Variants in FSTL5 observed in about 807,000 individuals in gnomAD.
FSTL5 encodes the protein follistatin like 5.
In FSTL5, 62 loss-of-function variants were observed where a neutral mutation model predicts 89.1. The ratio of observed to expected loss-of-function variants is 0.70; its 90% CI spans 0.57 to 0.86. FSTL5 has a LOEUF of 0.86. Among genes scored for constraint, FSTL5 ranks in the 40% least tolerant of loss-of-function variants. The probability of loss-of-function intolerance (pLI) is 0.00; values close to 1 mark genes in which losing one functional copy is unlikely to be tolerated. For missense variants in FSTL5, 1,057 were observed against 1,001.6 expected (o/e 1.06, Z -0.75); for synonymous variants, 383 against 346.2 (o/e 1.11, Z -1.18).
At chr4:162,006,951 A>G (rs1736633066) in intron 3 of FSTL5, among the ~76,000 whole-genome samples, 1 of 151,920 alleles carries the variant, frequency 6.6e-6, no homozygotes, top group Admixed American at 6.6e-5. Flanking sequence ...TAGATGCACA[A>G]GGCATCTGCT....
chr4:161,711,981 G>A (rs1232107549), intron 6 of FSTL5, among the ~76,000 whole-genome samples: 2 of 152,136 alleles, frequency 1.3e-5, no homozygotes, highest in Non-Finnish European at 2.9e-5. Context: ...TCCTAAACCT[G>A]ACAAAGGTCG....
In FSTL5 at chr4:162,010,763, C is replaced by G. The variant is rs113296515; in HGVS notation, c.160+22862G>C. 3.2e-3 allele frequency among the ~76,000 whole-genome samples: 493 copies of G among 152,320 alleles called. 1 individual carries two copies. Among genetic ancestry groups the G allele is most frequent in the Non-Finnish European group, 5.7e-3 (388 of 68,028 alleles). On this transcript the variant is annotated intron_variant, in intron 3 of 15. Transcript: ENST00000306100. ...TTCAAAGGTTCATCTGTGTTGTAAC[C>G]TGTGTCAGTACCTCATTTTTTATTA...
At chr4:161,474,702 C>T (rs537885366) in intron 13 of FSTL5, among the ~76,000 whole-genome samples, 201 of 152,026 alleles carry the variant, frequency 1.3e-3, no homozygotes, top group Non-Finnish European at 2.2e-3. Flanking sequence ...CCCGCCACCA[C>T]GCCTGGCTAA....
intron 15 of FSTL5, among the ~76,000 whole-genome samples, chr4:161,450,757 T>G (rs2126390833): frequency 6.6e-6 from 1 of 151,286 alleles, no homozygotes; most frequent in East Asian, 1.9e-4. Flanking sequence ...TTTTTTTTTT[T>G]TTTGAGACAG....
chr4:161,412,046 A>T (rs1731611219), intron 15 of FSTL5, among the ~76,000 whole-genome samples: 1 of 152,164 alleles, frequency 6.6e-6, no homozygotes, highest in Admixed American at 6.5e-5. Context: ...ATACACTAAC[A>T]ACATCCAGGC....
chr4:161,539,739 AC>A, intron 9 of FSTL5, among the ~76,000 whole-genome samples: 1 of 152,074 alleles, frequency 6.6e-6, no homozygotes, highest in Non-Finnish European at 1.5e-5. Flanking sequence ...AAAAACAAAA[AC>A]AAAAAAACCC....
chr4:161,976,350 G>A (rs956706490), intron 3 of FSTL5, among the ~76,000 whole-genome samples: 2 of 151,984 alleles, frequency 1.3e-5, no homozygotes, highest in South Asian at 4.1e-4. Flanking sequence ...ATATGCATAC[G>A]GGCTGGTAAA....
chr4:161,723,949 C>A (rs971654405), intron 6 of FSTL5, among the ~76,000 whole-genome samples: 2 of 151,908 alleles, frequency 1.3e-5, no homozygotes, highest in African/African-American at 4.8e-5. Flanking sequence ...AATATTAAAA[C>A]TATTAAATGT....
intron 3 of FSTL5, among the ~76,000 whole-genome samples, chr4:161,950,427 T>C (rs78919272): frequency 0.012 from 1,852 of 152,268 alleles, 18 homozygotes; most frequent in Middle Eastern, 0.041. Flanking sequence ...CAATGAAACC[T>C]TAAAAAGACT....
chr4:162,023,255 G>A (rs1737160784), intron 3 of FSTL5, among the ~76,000 whole-genome samples: 1 of 152,106 alleles, frequency 6.6e-6, no homozygotes, highest in African/African-American at 2.4e-5. Context: ...ATTTTGTTCA[G>A]TAGTGTATCT....
intron 1 of FSTL5, among the ~76,000 whole-genome samples, chr4:162,129,537 A>T (rs950836661): frequency 5.3e-5 from 8 of 152,246 alleles, no homozygotes; most frequent in Admixed American, 2.6e-4. Flanking sequence ...AAATATCAAC[A>T]GAACATTGTT....
At chr4:161,901,870 G>A (rs964129675) in intron 4 of FSTL5, among the ~76,000 whole-genome samples, 9 of 152,140 alleles carry the variant, frequency 5.9e-5, no homozygotes, top group Non-Finnish European at 1.2e-4. Context: ...GGGAGGCAGA[G>A]GTTGCAGTGA....
In FSTL5 at chr4:162,102,823, T is replaced by C. The variant is rs550982704; in HGVS notation, c.126+8448A>G. 2.7e-5 allele frequency among the ~76,000 whole-genome samples: 4 copies of C among 146,636 alleles called. No individual in the cohort carries two copies. The South Asian group carries it at 8.9e-4, about 33-fold the overall frequency. Reference sequence around the variant, plus strand: ...CTGGACTCCTGGACAAGCTTGGCTTTAATATACTATAGACATTTGACTTTA... The same window carrying C: ...CTGGACTCCTGGACAAGCTTGGCTTCAATATACTATAGACATTTGACTTTA... On this transcript the variant is annotated intron_variant, in intron 2 of 15. Transcript: ENST00000306100.
intron 4 of FSTL5, among the ~76,000 whole-genome samples, chr4:161,809,980 A>G (rs1273668250): frequency 6.6e-6 from 1 of 152,192 alleles, no homozygotes; most frequent in Non-Finnish European, 1.5e-5. Context: ...TAGACTCTGG[A>G]GTCAGGATAT....
At position 161,807,171 on chromosome 4, in the gene FSTL5, C is replaced by T. The variant is rs77896920; in HGVS notation, c.410-31097G>A. 8.9e-3 allele frequency among the ~76,000 whole-genome samples: 1,306 copies of T among 146,966 alleles called. 17 individuals carry two copies. The highest frequency in any genetic ancestry group is 0.03 in the African/African-American group (1,189 of 39,132). ...AATGATAAATCAAGGCCATCTACTA[C>T]GACTATTTGAAGAACACATGAGAAT... is the stretch of plus-strand genomic sequence containing the variant. On this transcript the variant is annotated intron_variant, in intron 4 of 15. Coordinates refer to ENST00000306100, the MANE Select transcript of FSTL5 (RefSeq NM_020116.5).
intron 4 of FSTL5, among the ~76,000 whole-genome samples, chr4:161,780,612 T>C (rs1741629236): frequency 6.6e-6 from 1 of 152,184 alleles, no homozygotes; most frequent in South Asian, 2.1e-4. Context: ...CAAGAGTCAT[T>C]CTAAGGGCAG....
intron 8 of FSTL5, chr4:161,552,632 T>G (rs553912435): frequency 6.6e-6 from 1 of 151,866 alleles, no homozygotes; most frequent in African/African-American, 2.4e-5. Flanking sequence ...CACATGAAAT[T>G]TTAATTCTCA....
chr4:161,851,146 T>C (rs1731536557), intron 4 of FSTL5, among the ~76,000 whole-genome samples: 1 of 152,198 alleles, frequency 6.6e-6, no homozygotes, highest in Non-Finnish European at 1.5e-5. Flanking sequence ...ATTATTCCTA[T>C]TAATTACACA....
chr4:161,791,410 T>G (rs2164126), intron 4 of FSTL5, among the ~76,000 whole-genome samples: 32,694 of 148,408 alleles, frequency 0.22, 3,525 homozygotes, highest in Middle Eastern at 0.33. Flanking sequence ...TGAAACAAAA[T>G]TAATCTATAG....
Sources: gnomAD v4.1 joint callset for allele counts (sites outside exome capture counted in the v4.1 genomes callset) on GRCh38, gnomAD v4.1.1 for gene constraint, MANE v1.5 for transcripts, NCBI Gene and HGNC (gene_info 2026-07-23, HGNC 2026-07-21) for gene names.